PGS1: variants seen among roughly 807,000 people sequenced by gnomAD.
The protein encoded by PGS1 is phosphatidylglycerophosphate synthase 1.
A neutral mutation model predicts 58.3 loss-of-function variants in PGS1; 44 were observed. That is an observed-to-expected ratio of 0.75 (90% CI 0.59 to 0.97). The LOEUF is 0.97. Among genes scored for constraint, PGS1 ranks in the 50% least tolerant of loss-of-function variants. The pLI is 0.00. For missense variants in PGS1, 684 were observed against 731.1 expected (o/e 0.94, Z 0.74); for synonymous variants, 330 against 311.0 (o/e 1.06, Z -0.64).
chr17:78,379,970 G>A (rs2081923809), intron 1 of PGS1, among the ~76,000 whole-genome samples: 1 of 151,294 alleles, frequency 6.6e-6, no homozygotes, highest in Admixed American at 6.6e-5. Context: ...AGGTTCAAGC[G>A]ATTCTCCTGC....
In PGS1 at chr17:78,400,254, A is replaced by G. The variant is rs2083551962; in HGVS notation, c.702-423A>G. On this transcript the variant is annotated intron_variant, in intron 5 of 9. Transcript: ENST00000262764. This position sits in a 1 kb window ranked among gnomAD's most constrained non-coding sequence, Gnocchi z 4.4. ...ACAAAAATTAGCTGGGTGTGGTGGC[A>G]CACACCTGTAATCCCAGCTACTCGG... Among the ~76,000 whole-genome samples the G allele has an allele frequency of 6.6e-6, 1 of 152,012 alleles. No individual in the cohort carries two copies. Among genetic ancestry groups the G allele is most frequent in the Non-Finnish European group, 1.5e-5 (1 of 67,994 alleles).
At position 78,399,499 on chromosome 17, in the gene PGS1, T is replaced by G; in HGVS notation, c.663T>G (p.Ile221Met). ...RFNETIGLQH[I>M]KVYLFDNSVI... ...ACGAGACCATCGGCCTCCAGCACAT[T>G]AAGGTGTACCTCTTCGACAACAGCG... Residue 221 changes from isoleucine to methionine, a missense_variant, in exon 5 of 10, where the codon ATT becomes ATG. By Grantham distance (10) the Ile-to-Met change is conservative. Coordinates refer to ENST00000262764, the MANE Select transcript of PGS1 (RefSeq NM_024419.5). 6.2e-7 allele frequency: 1 copy of G among 1,614,168 alleles called. No homozygotes were observed. Among genetic ancestry groups the G allele is most frequent in the Non-Finnish European group, 8.5e-7 (1 of 1,180,040 alleles).
intron 7 of PGS1, among the ~76,000 whole-genome samples, chr17:78,413,231 A>T (rs79388987): frequency 6.6e-6 from 1 of 152,190 alleles, no homozygotes; most frequent in Non-Finnish European, 1.5e-5. Context: ...CTTACCCAAG[A>T]TGTTCTTGGA....
intron 4 of PGS1, among the ~76,000 whole-genome samples, chr17:78,399,074 A>G (rs2083456558): frequency 6.6e-6 from 1 of 152,188 alleles, no homozygotes. Flanking sequence ...CCCCAGGAGA[A>G]GGTTGGGTGC....
intron 7 of PGS1, among the ~76,000 whole-genome samples, chr17:78,412,449 C>T (rs2084797858): frequency 6.6e-6 from 1 of 152,164 alleles, no homozygotes; most frequent in South Asian, 2.1e-4. Context: ...CGTATACAGT[C>T]TATCTTGGGG....
intron 8 of PGS1, among the ~76,000 whole-genome samples, chr17:78,416,147 G>A (rs1320345484): frequency 2.0e-5 from 3 of 152,170 alleles, no homozygotes; most frequent in Non-Finnish European, 2.9e-5. Context: ...CACGACAGGC[G>A]CAAGAGGAAG....
At chr17:78,418,326 T>C (rs1420328905) in intron 8 of PGS1, among the ~76,000 whole-genome samples, 3 of 152,200 alleles carry the variant, frequency 2.0e-5, no homozygotes, top group Admixed American at 2.0e-4. Flanking sequence ...ACCCTTTCTG[T>C]AGGGAAAACC....
chr17:78,383,935 ATCCC>A (rs990178790), intron 1 of PGS1, among the ~76,000 whole-genome samples: 15 of 152,202 alleles, frequency 9.9e-5, no homozygotes, highest in African/African-American at 3.4e-4. Flanking sequence ...CTGAATGATA[ATCCC>A]TTTGTAATAG....
At chr17:78,423,571 G>T (rs986065421) in intron 9 of PGS1, 7 of 306,600 alleles carry the variant, frequency 2.3e-5, no homozygotes, top group Non-Finnish European at 3.8e-5. Flanking sequence ...TGACCCCCCC[G>T]GGAAGTCAGG....
At chr17:78,403,142 C>T (rs1329233027) in intron 6 of PGS1, among the ~76,000 whole-genome samples, 1 of 152,192 alleles carries the variant, frequency 6.6e-6, no homozygotes, top group East Asian at 1.9e-4. Flanking sequence ...TGAAGTAGAA[C>T]ATGCACCCCG....
At chr17:78,388,444 C>CCCCCTCAATCT (rs1282575923) in intron 1 of PGS1, among the ~76,000 whole-genome samples, 7 of 152,202 alleles carry the variant, frequency 4.6e-5, no homozygotes, top group Non-Finnish European at 8.8e-5. Flanking sequence ...ACGCGATCGT[C>CCCCCTCAATCT]CCCCTCAATC....
At chr17:78,422,763 CGT>C (rs145974232) in intron 9 of PGS1, among the ~76,000 whole-genome samples, 2,428 of 152,170 alleles carry the variant, frequency 0.016, 57 homozygotes, top group African/African-American at 0.055. Context: ...GGATTAGAGG[CGT>C]GAGCTGCTGC....
intron 8 of PGS1, among the ~76,000 whole-genome samples, chr17:78,417,661 G>A (rs989871607): frequency 3.9e-5 from 6 of 152,002 alleles, no homozygotes; most frequent in Non-Finnish European, 7.4e-5. Flanking sequence ...ACAGGCCACC[G>A]CTGCTGCTGT....
At chr17:78,389,043 C>G (rs937862197) in intron 1 of PGS1, among the ~76,000 whole-genome samples, 5 of 139,790 alleles carry the variant, frequency 3.6e-5, no homozygotes, top group Non-Finnish European at 6.0e-5. Flanking sequence ...AGGAGTGTTT[C>G]CTCTTCTTCC....
At position 78,400,607 on chromosome 17, in the gene PGS1, T is replaced by C. The variant is rs2083581140; in HGVS notation, c.702-70T>C. ...CCCCCCTGCTAGTTCACCTGAGACC[T>C]GGGTCACCAGGACACGCTGCTGCAT... On this transcript the variant is annotated intron_variant, in intron 5 of 9. Transcript: ENST00000262764. This position sits in a 1 kb window ranked among gnomAD's most constrained non-coding sequence, Gnocchi z 4.4. 10 of 1,389,458 alleles carry C rather than the reference T, an allele frequency of 7.2e-6. No individual in the cohort carries two copies. The highest frequency in any genetic ancestry group is 9.1e-6 in the Non-Finnish European group (9 of 985,326). 86.1% of individuals were successfully genotyped at this position (1,389,458 alleles called of 1,614,324 possible). A position where few individuals can be genotyped will look rare whatever the true frequency, so the allele number is the denominator to read the frequency against.
intron 9 of PGS1, among the ~76,000 whole-genome samples, chr17:78,422,194 A>G (rs1257010889): frequency 6.6e-6 from 1 of 152,038 alleles, no homozygotes; most frequent in Admixed American, 6.5e-5. Context: ...GGTCACCTGA[A>G]GGGCTGCAGT....
chr17:78,384,160 G>A (rs1647370788), intron 1 of PGS1, among the ~76,000 whole-genome samples: 1 of 152,204 alleles, frequency 6.6e-6, no homozygotes, highest in Admixed American at 6.5e-5. Context: ...CTAAGCCAAG[G>A]GGAGAGTCAT....
At chr17:78,398,888 G>GA (rs1392580541) in intron 4 of PGS1, among the ~76,000 whole-genome samples, 5 of 152,288 alleles carry the variant, frequency 3.3e-5, no homozygotes, top group African/African-American at 1.2e-4. Flanking sequence ...GATTCCATGA[G>GA]AATCGGGTCA....
At chr17:78,403,301 C>T (rs934905900) in intron 6 of PGS1, among the ~76,000 whole-genome samples, 7 of 151,788 alleles carry the variant, frequency 4.6e-5, no homozygotes, top group Non-Finnish European at 8.8e-5. Flanking sequence ...TGGTTTTGAG[C>T]TTGTTTGTAA....
Sources: allele counts gnomAD v4.1 joint callset (sites outside exome capture counted in the v4.1 genomes callset), GRCh38; gene constraint gnomAD v4.1.1; non-coding constraint Gnocchi (gnomAD v3.1); transcripts MANE v1.5; gene names NCBI Gene and HGNC (gene_info 2026-07-23, HGNC 2026-07-21).